The following HABP2 variants were observed in gnomAD, a reference collection of about 807,000 sequenced individuals.
The protein encoded by HABP2 is factor VII-activating protease.
A neutral mutation model predicts 66.5 loss-of-function variants in HABP2; 65 were observed. The observed-to-expected ratio is 0.98, with a 90% CI of 0.80 to 1.20. HABP2 has a LOEUF of 1.20. Ranked by LOEUF, HABP2 falls within the 50% of genes most tolerant of loss-of-function variation. The pLI, the probability that HABP2 is intolerant of heterozygous loss-of-function variation, is 0.00. For missense variants in HABP2, 786 were observed against 691.0 expected, an observed-to-expected ratio of 1.14 and a Z score of -1.54; for synonymous variants, 263 against 253.9, an observed-to-expected ratio of 1.04 and a Z score of -0.34.
chr10:113,586,486 G>A (rs1023630201), intron 12 of HABP2, among the ~76,000 whole-genome samples: 11 of 144,346 alleles, frequency 7.6e-5, no homozygotes, highest in Non-Finnish European at 1.7e-4. Flanking sequence ...GGGGGGGGGG[G>A]GGGTGTTTTA....
At chr10:113,587,442 T>A (rs1299714537) in intron 12 of HABP2, among the ~76,000 whole-genome samples, 1 of 152,250 alleles carries the variant, frequency 6.6e-6, no homozygotes, top group Admixed American at 6.5e-5. Context: ...TCTTACTGTA[T>A]GGCTTTTATC....
intron 1 of HABP2, among the ~76,000 whole-genome samples, chr10:113,556,457 G>A (rs1489114239): frequency 6.6e-6 from 1 of 152,128 alleles, no homozygotes; most frequent in Non-Finnish European, 1.5e-5. Flanking sequence ...GCTCATGCCT[G>A]TAATCCCAGC....
intron 11 of HABP2, 46 bp downstream of exon 11, chr10:113,584,328 A>G (rs1256270242): frequency 6.3e-7 from 1 of 1,580,458 alleles, no homozygotes; most frequent in East Asian, 2.2e-5. Context: ...AACTACATCA[A>G]CCAGAGAAGA....
Position 113,580,605 on chromosome 10 carries a change from GC to G in HABP2, c.752del (p.Ala251GlyfsTer16). 1 of 1,564,768 alleles carries G rather than the reference GC, an allele frequency of 6.4e-7. No individual in the cohort carries two copies. The highest frequency in any genetic ancestry group is 8.8e-7 in the Non-Finnish European group (1 of 1,135,034). ...GEHNFCRNPD[A>X]DEKPWCFIKV... The stretch of plus-strand genomic sequence containing the variant: ...TGTTTTGTATTTTAGAAACCCAGAT[GC>G]GGACGAAAAGCCCTGGTGCTTTATT... On this transcript the variant is annotated frameshift_variant, in exon 8 of 13. Coordinates refer to ENST00000351270, the MANE Select transcript of HABP2 (RefSeq NM_004132.5). LOFTEE classifies it high-confidence loss of function.
chr10:113,563,315 C>A (rs760314449), intron 1 of HABP2, among the ~76,000 whole-genome samples: 14 of 152,184 alleles, frequency 9.2e-5, no homozygotes, highest in Non-Finnish European at 2.1e-4. Context: ...CCACCCTTCC[C>A]ACCTACCATC....
intron 1 of HABP2, among the ~76,000 whole-genome samples, chr10:113,554,312 C>T (rs1018361066): frequency 1.3e-5 from 2 of 152,198 alleles, no homozygotes; most frequent in Non-Finnish European, 2.9e-5. Context: ...ACCTCTCTGT[C>T]TTATTAAGTA....
chr10:113,569,417 G>T (rs1845261454), intron 2 of HABP2, among the ~76,000 whole-genome samples: 3 of 152,234 alleles, frequency 2.0e-5, no homozygotes, highest in Admixed American at 2.0e-4. Context: ...TCTCACAGGG[G>T]TTGTGCTTTG....
chr10:113,587,334 C>CAA (rs1170999615), intron 12 of HABP2, among the ~76,000 whole-genome samples: 9 of 128,218 alleles, frequency 7.0e-5, no homozygotes, highest in Non-Finnish European at 1.5e-4. Flanking sequence ...CAAAAACAAA[C>CAA]AAACAAAAAA....
intron 12 of HABP2, 40 bp from the exon 13 acceptor site, chr10:113,588,165 C>T: frequency 6.5e-7 from 1 of 1,540,444 alleles, no homozygotes; most frequent in Non-Finnish European, 8.8e-7. Flanking sequence ...CCAGATGTCT[C>T]TGGTTCACGA....
chr10:113,589,525 A>T lies in HABP2; in HGVS notation c.*1156A>T. The T allele has an allele frequency of 2.2e-6, 2 of 922,330 alleles. No individual in the cohort carries two copies. Among genetic ancestry groups the T allele is most frequent in the Non-Finnish European group, 3.3e-6 (2 of 613,606 alleles). 57.1% of individuals were successfully genotyped at this position (922,330 alleles called of 1,614,324 possible). ...CTGGTCATCTCAGACCCATGAAATT[A>T]GGCGCCTTGTTTGAGCTGCGTTTCA... On this transcript the variant is annotated 3_prime_UTR_variant, in exon 13 of 13. Transcript: ENST00000351270.
At chr10:113,567,421 A>G (rs1333285376) in intron 1 of HABP2, 68 bp from the exon 2 acceptor site, 6 of 1,199,338 alleles carry the variant, frequency 5.0e-6, no homozygotes, top group Middle Eastern at 1.9e-4. Context: ...CCTCTGGCTG[A>G]CAGCTAAGGA....
chr10:113,566,977 C>G (rs1285622977), intron 1 of HABP2, among the ~76,000 whole-genome samples: 1 of 152,124 alleles, frequency 6.6e-6, no homozygotes, highest in Non-Finnish European at 1.5e-5. Flanking sequence ...AAGCATCTGT[C>G]CATCCCCAAT....
chr10:113,563,511 G>C (rs1270314722), intron 1 of HABP2, among the ~76,000 whole-genome samples: 1 of 152,082 alleles, frequency 6.6e-6, no homozygotes, highest in Non-Finnish European at 1.5e-5. Context: ...AGATTCCGGC[G>C]ACCCCCTGAC....
chr10:113,588,225 G>A lies in HABP2; in HGVS notation c.1539G>A (p.Leu513=). 1 of 1,610,602 alleles carries A rather than the reference G, an allele frequency of 6.2e-7. No individual in the cohort carries two copies. The part of the protein sequence containing the change: ...DTCQGDSGGP[L]TCEKDGTYYV... ...CTTAGGGTGACTCTGGAGGCCCCCTGACCTGTGAGAAGGACGGCACCTACT... is the reference window on the plus strand; with the variant it reads ...CTTAGGGTGACTCTGGAGGCCCCCTAACCTGTGAGAAGGACGGCACCTACT... The change falls in exon 13 of 13, where the codon CTG becomes CTA. Residue 513 remains leucine, a synonymous_variant. Transcript: ENST00000351270.
intron 3 of HABP2, 141 bp downstream of exon 3, chr10:113,574,546 T>TC (rs1181187973): frequency 8.8e-6 from 5 of 570,616 alleles, no homozygotes; most frequent in South Asian, 2.2e-5. Flanking sequence ...TTGGACTGGC[T>TC]TTTTTTTCTG....
intron 2 of HABP2, among the ~76,000 whole-genome samples, chr10:113,567,937 G>A (rs1270354784): frequency 6.6e-6 from 1 of 152,212 alleles, no homozygotes; most frequent in Non-Finnish European, 1.5e-5. Flanking sequence ...TTTTGTGCGA[G>A]GGCGGCCTCC....
chr10:113,578,789 A>G lies in HABP2; in HGVS notation c.731A>G (p.Asn244Ser). Residue 244 changes from asparagine (N) to serine (S), a missense_variant, in exon 7 of 13, where the codon AAT becomes AGT. By Grantham distance (46) the Asn-to-Ser change is conservative (BLOSUM62 1). Transcript: ENST00000351270. ...DAETHGIGEHNFCRNPDADEK... is the reference protein window; with the variant it reads ...DAETHGIGEHSFCRNPDADEK... ...GAAACCCATGGGATTGGGGAACACA[A>G]TTTCTGCAGGTAACATTTACCTTAT... 3 of 1,605,756 alleles carry G rather than the reference A, an allele frequency of 1.9e-6. No individual in the cohort carries two copies. The highest frequency in any genetic ancestry group is 2.2e-5 in the East Asian group (1 of 44,808).
At chr10:113,580,142 C>A (rs983638930) in intron 7 of HABP2, among the ~76,000 whole-genome samples, 3 of 148,636 alleles carry the variant, frequency 2.0e-5, no homozygotes, top group African/African-American at 7.5e-5. Context: ...TTGAGCTGTT[C>A]CCTTTGTGGA....
At chr10:113,571,730 A>G (rs898725751) in intron 2 of HABP2, among the ~76,000 whole-genome samples, 57 of 152,216 alleles carry the variant, frequency 3.7e-4, no homozygotes, top group African/African-American at 1.3e-3. Context: ...TCACCTCTTC[A>G]CTACTCTTTA....
Sources: gnomAD v4.1 joint callset for allele counts (sites outside exome capture counted in the v4.1 genomes callset) on GRCh38, gnomAD v4.1.1 for gene constraint, MANE v1.5 for transcripts, NCBI Gene and HGNC (gene_info 2026-07-23, HGNC 2026-07-21) for gene names.